Variants in RAMP3 observed in about 807,000 individuals in gnomAD.
RAMP3 encodes receptor activity modifying protein 3, also known as receptor activity-modifying protein 3.
RAMP3 carries 14 observed loss-of-function variants against 13.5 expected under a neutral mutation model. The observed-to-expected ratio is 1.04, with a 90% CI of 0.69 to 1.63. The LOEUF (loss-of-function observed/expected upper bound fraction) is 1.63, where lower values mean the gene tolerates loss of function less well. RAMP3 is among the 40% of genes most tolerant of loss of function. The pLI is 0.00. For synonymous variants in RAMP3, 106 were observed against 88.3 expected, an observed-to-expected ratio of 1.20 and a Z score of -1.12; for missense variants, 200 against 204.8, an observed-to-expected ratio of 0.98 and a Z score of 0.14.
intron 2 of RAMP3, among the ~76,000 whole-genome samples, chr7:45,181,324 G>A (rs964380712): frequency 6.6e-6 from 1 of 152,364 alleles, no homozygotes; most frequent in African/African-American, 2.4e-5. Context: ...ATGTGGCCTA[G>A]CTTTGGCTGG....
intron 1 of RAMP3, among the ~76,000 whole-genome samples, chr7:45,165,710 T>C (rs1785947987): frequency 1.3e-5 from 2 of 152,226 alleles, no homozygotes; most frequent in African/African-American, 4.8e-5. Context: ...TCCAACCCCC[T>C]TAGCCTTAAG....
chr7:45,180,424 C>T (rs1244808806), intron 2 of RAMP3, among the ~76,000 whole-genome samples: 1 of 152,238 alleles, frequency 6.6e-6, no homozygotes, highest in East Asian at 1.9e-4. Context: ...GGAGAGGTGG[C>T]TTGCTCCCCT....
At chr7:45,163,084 G>C in intron 1 of RAMP3, 1 of 865,326 alleles carries the variant, frequency 1.2e-6, no homozygotes, top group Non-Finnish European at 1.4e-6. Context: ...TTGACCCCAT[G>C]TCTGAATCAC....
At chr7:45,172,079 T>TGGC (rs55833731) in intron 1 of RAMP3, among the ~76,000 whole-genome samples, 39,855 of 152,028 alleles carry the variant, frequency 0.26, 6,340 homozygotes, top group African/African-American at 0.44. Flanking sequence ...CCAGTACTCT[T>TGGC]GGCCTGCCAT....
rs989885507 is a variant in RAMP3, at chr7:45,180,914, G to A, written c.192-2243G>A. ...GATGAATAAATCATAAGTAGTTCCC[G>A]GTTTTCTAGAGAAGCACTGAATGTG... On this transcript the variant is annotated intron_variant, in intron 2 of 2. Coordinates refer to ENST00000242249, the MANE Select transcript of RAMP3 (RefSeq NM_005856.3). Among the ~76,000 whole-genome samples, 9 of 152,182 alleles carry A rather than the reference G, an allele frequency of 5.9e-5. No homozygotes were observed. The South Asian group carries it at 6.2e-4, about 11-fold the overall frequency.
chr7:45,177,523 C>T lies in RAMP3; in HGVS notation c.191+82C>T, dbSNP rs986870420. ...AACCACTGCCTGACCACAGCCTGAC[C>T]GCACTCTACCCAAGGCCTCACCCAT... On this transcript the variant is annotated intron_variant, in intron 2 of 2. Transcript: ENST00000242249. The T allele has an allele frequency of 4.8e-5, 76 of 1,583,182 alleles. No individual in the cohort carries two copies. In the South Asian group the frequency reaches 5.1e-4, roughly 11 times the overall value.
At position 45,176,079 on chromosome 7, in the gene RAMP3, T is replaced by C. The variant is rs1786180357; in HGVS notation, c.59-1230T>C. On this transcript the variant is annotated intron_variant, in intron 1 of 2. Coordinates refer to ENST00000242249, the MANE Select transcript of RAMP3 (RefSeq NM_005856.3). ...AAGACTTATTGAGGGAATGAATGAA[T>C]GATACGTTCCTGGAGGTGGCACTGA... Among the ~76,000 whole-genome samples the C allele has an allele frequency of 2.6e-5, 4 of 152,286 alleles. 1 individual carries two copies. In the South Asian group the frequency reaches 8.3e-4, roughly 32 times the overall value.
intron 1 of RAMP3, among the ~76,000 whole-genome samples, chr7:45,168,207 C>T (rs1447907397): frequency 6.6e-6 from 1 of 151,826 alleles, no homozygotes; most frequent in African/African-American, 2.4e-5. Flanking sequence ...TCGAGACCAG[C>T]CTGGCCTACG....
rs553031354 is a variant in RAMP3, at chr7:45,184,059, A to G, written c.*647A>G. ...GCTGTGCCCGCTATGGGCTGTGTCCATGACCAGAGGCTGGAGTGGGGGTGT... is the reference window on the plus strand; with the variant it reads ...GCTGTGCCCGCTATGGGCTGTGTCCGTGACCAGAGGCTGGAGTGGGGGTGT... On this transcript the variant is annotated 3_prime_UTR_variant, in exon 3 of 3. Coordinates refer to ENST00000242249, the MANE Select transcript of RAMP3 (RefSeq NM_005856.3). 9.9e-6 allele frequency: 4 copies of G among 402,136 alleles called. No individual in the cohort carries two copies. In the East Asian group the frequency reaches 1.1e-4, roughly 11 times the overall value. The allele number at this position is 402,136 out of a possible 1,614,324, so 24.9% of individuals were successfully genotyped here.
chr7:45,178,821 G>A (rs1584077207), intron 2 of RAMP3, among the ~76,000 whole-genome samples: 1 of 152,356 alleles, frequency 6.6e-6, no homozygotes, highest in South Asian at 2.1e-4. Flanking sequence ...GGATTGGGAG[G>A]ACAGGAGTGG....
intron 1 of RAMP3, chr7:45,163,045 A>C (rs1785894057): frequency 3.9e-6 from 2 of 511,560 alleles, no homozygotes; most frequent in Non-Finnish European, 5.0e-6. Context: ...GAGTGGAGAC[A>C]CATTGCTTTC....
intron 1 of RAMP3, among the ~76,000 whole-genome samples, chr7:45,168,965 T>C (rs1239721671): frequency 1.3e-5 from 2 of 152,196 alleles, no homozygotes; most frequent in African/African-American, 2.4e-5. Flanking sequence ...CCTAATATAT[T>C]GAGTGTTTTT....
chr7:45,165,247 T>C (rs1785937695), intron 1 of RAMP3, among the ~76,000 whole-genome samples: 1 of 152,210 alleles, frequency 6.6e-6, no homozygotes, highest in Non-Finnish European at 1.5e-5. Context: ...TCCATTTCTC[T>C]CCTCCTGAAC....
intron 1 of RAMP3, among the ~76,000 whole-genome samples, chr7:45,160,430 C>T (rs1785843324): frequency 6.4e-5 from 9 of 139,818 alleles, no homozygotes; most frequent in Non-Finnish European, 1.5e-5. Flanking sequence ...CTGGAGGTTC[C>T]TTGGAGGTTA....
chr7:45,183,299 G>T lies in RAMP3; in HGVS notation c.334G>T (p.Glu112Ter). 6.2e-7 allele frequency: 1 copy of T among 1,614,112 alleles called. No homozygotes were observed. Among genetic ancestry groups the T allele is most frequent in the Non-Finnish European group, 8.5e-7 (1 of 1,180,050 alleles). Reference protein sequence around the residue: ...SNCTVDRVHLEDPPDEVLIPL... With the variant: ...SNCTVDRVHL ...CTGCACCGTGGACAGGGTCCACTTG[G>T]AGGACCCCCCAGACGAGGTTCTCAT... Residue 112 changes from glutamate to a stop codon, truncating the protein, a stop_gained, in exon 3 of 3, where the codon GAG (glutamate) becomes TAG (stop). Coordinates refer to ENST00000242249, the MANE Select transcript of RAMP3 (RefSeq NM_005856.3). LOFTEE classifies it high-confidence loss of function.
At chr7:45,183,048 C>T (rs1442433587) in intron 2 of RAMP3, 109 bp from the exon 3 acceptor site, 2 of 1,467,910 alleles carry the variant, frequency 1.4e-6, no homozygotes, top group Non-Finnish European at 1.8e-6. Flanking sequence ...GAATAGGTGG[C>T]CAAATGGGAC....
intron 1 of RAMP3, among the ~76,000 whole-genome samples, chr7:45,158,920 G>A (rs573791806): frequency 6.6e-6 from 1 of 152,330 alleles, no homozygotes; most frequent in Non-Finnish European, 1.5e-5. Context: ...AAGGTGGATG[G>A]CAGCTTCTGA....
intron 1 of RAMP3, among the ~76,000 whole-genome samples, chr7:45,174,950 T>C (rs1053384617): frequency 6.6e-6 from 1 of 152,198 alleles, no homozygotes; most frequent in Non-Finnish European, 1.5e-5. Flanking sequence ...TTCACTGGGT[T>C]GACAGTGGGT....
intron 1 of RAMP3, among the ~76,000 whole-genome samples, chr7:45,158,425 ACT>A (rs1433633492): frequency 6.6e-6 from 1 of 151,970 alleles, no homozygotes; most frequent in African/African-American, 2.4e-5. Context: ...AAGCGGGGCG[ACT>A]CTCTGAGCCA....
Sources: gnomAD v4.1 joint callset for allele counts (sites outside exome capture counted in the v4.1 genomes callset) on GRCh38, gnomAD v4.1.1 for gene constraint, MANE v1.5 for transcripts, NCBI Gene and HGNC (gene_info 2026-07-23, HGNC 2026-07-21) for gene names.